Variants in HHAT observed in about 807,000 individuals in gnomAD.
HHAT encodes the protein protein-cysteine N-palmitoyltransferase HHAT.
Under a neutral mutation model 70.8 loss-of-function variants are expected in HHAT, and 47 were observed. That is an observed-to-expected ratio of 0.66 (90% CI 0.53 to 0.85). HHAT has a LOEUF of 0.85. HHAT is among the 40% of genes least tolerant of loss of function. HHAT has a pLI of 0.00. For missense variants in HHAT, 609 were observed against 604.8 expected (o/e 1.01, Z -0.07); for synonymous variants, 228 against 247.6 (o/e 0.92, Z 0.74).
At chr1:210,393,296 G>A (rs1229826552) in intron 4 of HHAT, among the ~76,000 whole-genome samples, 3 of 152,248 alleles carry the variant, frequency 2.0e-5, no homozygotes, top group Non-Finnish European at 2.9e-5. Context: ...TGGAGGTGAC[G>A]GTCTTGAGAT....
intron 8 of HHAT, among the ~76,000 whole-genome samples, chr1:210,485,038 T>C (rs1404758877): frequency 6.6e-6 from 1 of 152,156 alleles, no homozygotes; most frequent in East Asian, 1.9e-4. Context: ...TGGGGTCTCT[T>C]TGCTCCTCAC....
intron 1 of HHAT, among the ~76,000 whole-genome samples, chr1:210,333,105 G>A (rs1030026385): frequency 6.6e-6 from 1 of 152,218 alleles, no homozygotes; most frequent in Non-Finnish European, 1.5e-5. Context: ...GCAGCTGTAC[G>A]ATGGAAGTAC....
intron 7 of HHAT, among the ~76,000 whole-genome samples, chr1:210,447,475 A>G (rs1273274054): frequency 6.6e-6 from 1 of 152,216 alleles, no homozygotes; most frequent in Non-Finnish European, 1.5e-5. Flanking sequence ...TGGAGGCTTT[A>G]ATCATACCCT....
chr1:210,582,824 A>T (rs1659574612), intron 9 of HHAT, among the ~76,000 whole-genome samples: 1 of 152,224 alleles, frequency 6.6e-6, no homozygotes, highest in African/African-American at 2.4e-5. Flanking sequence ...AGCGGAAGTT[A>T]TACCTCTTGT....
chr1:210,396,979 A>G (rs1166713393), intron 4 of HHAT, among the ~76,000 whole-genome samples: 1 of 152,222 alleles, frequency 6.6e-6, no homozygotes, highest in Non-Finnish European at 1.5e-5. Flanking sequence ...CATGGTAGAT[A>G]CCAAACCTAT....
chr1:210,657,087 T>C (rs12121954), intron 11 of HHAT, among the ~76,000 whole-genome samples: 38,986 of 152,198 alleles, frequency 0.26, 5,996 homozygotes, highest in South Asian at 0.36. Flanking sequence ...TCCAGTCAAG[T>C]TCTTTTTGAA....
chr1:210,412,968 G>A (rs2092609030), intron 6 of HHAT, among the ~76,000 whole-genome samples: 1 of 152,220 alleles, frequency 6.6e-6, no homozygotes, highest in Non-Finnish European at 1.5e-5. Context: ...CAAGGAGTGT[G>A]GTGACGGGGA....
intron 7 of HHAT, among the ~76,000 whole-genome samples, chr1:210,456,307 C>T (rs918982175): frequency 1.2e-4 from 19 of 152,080 alleles, no homozygotes; most frequent in African/African-American, 4.3e-4. Context: ...CTTTTTTCCC[C>T]TTTCTGTCTC....
intron 9 of HHAT, among the ~76,000 whole-genome samples, chr1:210,576,004 C>T (rs1038321133): frequency 1.4e-4 from 21 of 152,034 alleles, no homozygotes; most frequent in Non-Finnish European, 2.8e-4. Flanking sequence ...ACCCACATAC[C>T]CTCTGTAGGC....
At chr1:210,400,444 C>G in intron 4 of HHAT, 24 bp from the exon 5 acceptor site, 10 of 1,576,130 alleles carry the variant, frequency 6.3e-6, no homozygotes, top group Non-Finnish European at 8.6e-6. Context: ...CTGTCTCTCT[C>G]TGGATGGGCC....
chr1:210,463,858 A>G (rs1034447503), intron 7 of HHAT, among the ~76,000 whole-genome samples: 2 of 152,052 alleles, frequency 1.3e-5, no homozygotes, highest in Non-Finnish European at 2.9e-5. Context: ...ATGGGTGCAG[A>G]CTCATGTAGA....
chr1:210,453,385 T>TATGTAG (rs1315357643), intron 7 of HHAT, among the ~76,000 whole-genome samples: 1 of 152,232 alleles, frequency 6.6e-6, no homozygotes, highest in Admixed American at 6.5e-5. Flanking sequence ...ACAGATATTC[T>TATGTAG]ATGTAGTGTG....
chr1:210,468,615 T>C (rs2094147678), intron 8 of HHAT, among the ~76,000 whole-genome samples: 4 of 152,168 alleles, frequency 2.6e-5, no homozygotes, highest in African/African-American at 9.7e-5. Flanking sequence ...TTTAGGTCAA[T>C]AGAATAATTT....
Position 210,411,757 on chromosome 1 carries a change from A to ATTTT in HHAT, c.685-6397_685-6396insTTTT, listed in dbSNP as rs2092563695. 1.3e-5 allele frequency among the ~76,000 whole-genome samples: 2 copies of ATTTT among 152,074 alleles called. 1 individual carries two copies. Among genetic ancestry groups the ATTTT allele is most frequent in the South Asian group, 4.1e-4 (2 of 4,822 alleles). On this transcript the variant is annotated intron_variant, in intron 6 of 11. Coordinates refer to ENST00000261458, the MANE Select transcript of HHAT (RefSeq NM_018194.6). Reference sequence around the variant, plus strand: ...TGACACCCTGTGTCATAAAGAAAAGAGTCTGGGTGCCAGGAAAGACCTGTC... The same window carrying ATTTT: ...TGACACCCTGTGTCATAAAGAAAAGATTTTGTCTGGGTGCCAGGAAAGACCTGTC...
chr1:210,628,503 C>T, intron 11 of HHAT, among the ~76,000 whole-genome samples: 1 of 152,170 alleles, frequency 6.6e-6, no homozygotes, highest in East Asian at 1.9e-4. Flanking sequence ...CACACGTACA[C>T]ACATGGATGT....
At chr1:210,457,338 A>C (rs937465927) in intron 7 of HHAT, among the ~76,000 whole-genome samples, 1 of 152,006 alleles carries the variant, frequency 6.6e-6, no homozygotes, top group Non-Finnish European at 1.5e-5. Context: ...AAAACTTATT[A>C]AAAAAAAGTC....
intron 10 of HHAT, among the ~76,000 whole-genome samples, chr1:210,614,908 T>C (rs1207937921): frequency 3.3e-5 from 5 of 150,158 alleles, no homozygotes; most frequent in Non-Finnish European, 7.4e-5. Flanking sequence ...ATGATTTATA[T>C]TCCTTTGGGT....
At chr1:210,570,373 C>T (rs978508270) in intron 9 of HHAT, among the ~76,000 whole-genome samples, 1 of 152,188 alleles carries the variant, frequency 6.6e-6, no homozygotes, top group Non-Finnish European at 1.5e-5. Context: ...AGCTGTGCAG[C>T]CCTGTGAGGC....
chr1:210,397,542 C>T (rs1004652467), intron 4 of HHAT, among the ~76,000 whole-genome samples: 1 of 138,888 alleles, frequency 7.2e-6, no homozygotes, highest in Non-Finnish European at 1.5e-5. Context: ...TGTTTTGGAA[C>T]AAAATGCAAC....
Sources: gnomAD v4.1 joint callset for allele counts (sites outside exome capture counted in the v4.1 genomes callset) on GRCh38, gnomAD v4.1.1 for gene constraint, MANE v1.5 for transcripts, NCBI Gene and HGNC (gene_info 2026-07-23, HGNC 2026-07-21) for gene names.